The following LAMA4 variants were observed in gnomAD, a reference collection of about 807,000 sequenced individuals.
LAMA4 encodes laminin subunit alpha-4.
Under a neutral mutation model 207.1 loss-of-function variants are expected in LAMA4, and 127 were observed. The ratio of observed to expected loss-of-function variants is 0.61; its 90% CI spans 0.53 to 0.71. The LOEUF (loss-of-function observed/expected upper bound fraction) is 0.71, where lower values mean the gene tolerates loss of function less well. Among genes scored for constraint, LAMA4 ranks in the 30% least tolerant of loss-of-function variants. The probability of loss-of-function intolerance (pLI) is 0.00; values close to 1 mark genes in which losing one functional copy is unlikely to be tolerated. For missense variants in LAMA4, 2,093 were observed against 2,246.5 expected (o/e 0.93, Z 1.38); for synonymous variants, 761 against 816.0 (o/e 0.93, Z 1.15).
intron 4 of LAMA4, among the ~76,000 whole-genome samples, chr6:112,202,710 A>G (rs1365472390): frequency 6.6e-6 from 1 of 152,234 alleles, no homozygotes; most frequent in East Asian, 1.9e-4. Flanking sequence ...GGGTAAAAAC[A>G]TTCCAACAGA....
chr6:112,249,416 C>T (rs1787257961), intron 2 of LAMA4, among the ~76,000 whole-genome samples: 1 of 112,880 alleles, frequency 8.9e-6, no homozygotes, highest in Admixed American at 1.3e-4. Context: ...GCACTCCAGA[C>T]AGGCAATAGA....
intron 31 of LAMA4, among the ~76,000 whole-genome samples, chr6:112,125,304 G>C (rs1778624938): frequency 6.6e-6 from 1 of 152,102 alleles, no homozygotes; most frequent in African/African-American, 2.4e-5. Context: ...GCCAGCTCAG[G>C]CTAATCTCTC....
intron 12 of LAMA4, among the ~76,000 whole-genome samples, chr6:112,169,060 G>A (rs1296501477): frequency 1.3e-5 from 2 of 152,164 alleles, no homozygotes; most frequent in African/African-American, 4.8e-5. Flanking sequence ...ATCATGGGTG[G>A]CTGAGGAATT....
At chr6:112,160,888 C>T (rs1781014945) in intron 13 of LAMA4, among the ~76,000 whole-genome samples, 1 of 152,162 alleles carries the variant, frequency 6.6e-6, no homozygotes, top group African/African-American at 2.4e-5. Context: ...ATGTTATTTC[C>T]CTTCTCAGAA....
At chr6:112,235,004 A>G (rs1257558685) in intron 2 of LAMA4, among the ~76,000 whole-genome samples, 3 of 152,224 alleles carry the variant, frequency 2.0e-5, no homozygotes, top group Non-Finnish European at 2.9e-5. Flanking sequence ...TCTTAAATAC[A>G]GTATTATTCT....
At chr6:112,165,385 T>C in intron 12 of LAMA4, 109 bp from the exon 13 acceptor site, 1 of 782,632 alleles carries the variant, frequency 1.3e-6, no homozygotes, top group Non-Finnish European at 2.3e-6. Context: ...CAAATCTGGG[T>C]TCATATCCCA....
chr6:112,253,764 C>G, intron 2 of LAMA4, 192 bp downstream of exon 2: 1 of 1,614,016 alleles, frequency 6.2e-7, no homozygotes, highest in Non-Finnish European at 8.5e-7. Flanking sequence ...CCTCAACTTT[C>G]AACTCTCAAC....
chr6:112,122,419 A>G (rs587615565), intron 31 of LAMA4, among the ~76,000 whole-genome samples: 1 of 152,168 alleles, frequency 6.6e-6, no homozygotes, highest in East Asian at 1.9e-4. Context: ...ATGTTAACTA[A>G]CCCCAAATTC....
intron 14 of LAMA4, among the ~76,000 whole-genome samples, chr6:112,156,926 A>AT (rs34162580): frequency 0.31 from 46,644 of 150,830 alleles, 7,629 homozygotes; most frequent in African/African-American, 0.42. Context: ...CAGCGTTTTC[A>AT]TTTTTTTTTC....
intron 16 of LAMA4, 161 bp downstream of exon 16, chr6:112,154,690 T>C: frequency 3.1e-6 from 2 of 648,440 alleles, no homozygotes; most frequent in Non-Finnish European, 2.8e-6. Flanking sequence ...AAGTATCAAA[T>C]CTTTGCTCTT....
intron 4 of LAMA4, among the ~76,000 whole-genome samples, chr6:112,206,726 A>T (rs1554354372): frequency 6.6e-6 from 1 of 152,232 alleles, no homozygotes; most frequent in South Asian, 2.1e-4. Flanking sequence ...GTCAAGAGAA[A>T]GTCAAGAAAA....
chr6:112,164,033 A>G (rs1554339190), intron 13 of LAMA4: 1 of 152,096 alleles, frequency 6.6e-6, no homozygotes, highest in Non-Finnish European at 1.5e-5. Flanking sequence ...TTTGTTTCTA[A>G]TTTTTCAGAA....
chr6:112,214,384 A>T (rs1784514194), intron 3 of LAMA4, among the ~76,000 whole-genome samples: 1 of 152,076 alleles, frequency 6.6e-6, no homozygotes, highest in South Asian at 2.1e-4. Context: ...ATCCCTAGCC[A>T]CTATATCTTC....
At chr6:112,148,413 C>T in intron 17 of LAMA4, 77 bp from the exon 18 acceptor site, 2 of 1,478,014 alleles carry the variant, frequency 1.4e-6, no homozygotes, top group South Asian at 1.2e-5. Flanking sequence ...CCCCTTTAAC[C>T]CTTGAATGAA....
At chr6:112,135,812 G>C in intron 25 of LAMA4, 1 of 339,228 alleles carries the variant, frequency 2.9e-6, no homozygotes, top group Non-Finnish European at 5.6e-6. Context: ...TTCAACAAAT[G>C]TATAGAAGTA....
chr6:112,174,540 C>G (rs1056518389), intron 11 of LAMA4, among the ~76,000 whole-genome samples: 1 of 152,224 alleles, frequency 6.6e-6, no homozygotes, highest in Non-Finnish European at 1.5e-5. Flanking sequence ...TGTCACCAGG[C>G]TGGAGTGCAG....
chr6:112,129,187 C>CATGTGTGTGTGTGTGT (rs1778881044), intron 30 of LAMA4, 112 bp from the exon 31 acceptor site: 1 of 499,410 alleles, frequency 2.0e-6, no homozygotes. Context: ...TGTGTGTGTG[C>CATGTGTGTGTGTGTGT]ATGTGTGTGT....
chr6:112,110,541 A>G (rs587727105), intron 38 of LAMA4, among the ~76,000 whole-genome samples: 244 of 152,336 alleles, frequency 1.6e-3, no homozygotes, highest in Admixed American at 3.3e-3. Flanking sequence ...AGCATTTTAT[A>G]TTTAGAATGA....
intron 9 of LAMA4, among the ~76,000 whole-genome samples, chr6:112,181,950 A>G (rs1782387334): frequency 6.6e-6 from 1 of 152,074 alleles, no homozygotes; most frequent in Non-Finnish European, 1.5e-5. Flanking sequence ...TACAAAAAGT[A>G]GCCGGACGTG....
Sources: allele counts gnomAD v4.1 joint callset (sites outside exome capture counted in the v4.1 genomes callset), GRCh38; gene constraint gnomAD v4.1.1; transcripts MANE v1.5; gene names NCBI Gene and HGNC (gene_info 2026-07-23, HGNC 2026-07-21).